Variants in PPM1H observed in about 807,000 individuals in gnomAD.
PPM1H encodes the protein protein phosphatase 1H.
PPM1H carries 27 observed loss-of-function variants against 54.9 expected under a neutral mutation model. The ratio of observed to expected loss-of-function variants is 0.49; its 90% CI spans 0.36 to 0.68. The LOEUF (loss-of-function observed/expected upper bound fraction) is 0.68. PPM1H is among the 30% of genes least tolerant of loss of function. The pLI is 0.00. For missense variants in PPM1H, 596 were observed against 667.8 expected (o/e 0.89, Z 1.19); for synonymous variants, 305 against 270.8 (o/e 1.13, Z -1.24).
At chr12:62,704,775 T>G (rs2076163919) in intron 6 of PPM1H, among the ~76,000 whole-genome samples, 1 of 152,136 alleles carries the variant, frequency 6.6e-6, no homozygotes, top group African/African-American at 2.4e-5. Context: ...CCATGAAAAC[T>G]CTCCATAATG....
intron 2 of PPM1H, among the ~76,000 whole-genome samples, chr12:62,810,699 A>C (rs2076830096): frequency 6.6e-6 from 1 of 152,212 alleles, no homozygotes; most frequent in Admixed American, 6.5e-5. Context: ...AACATATTCT[A>C]TCTACCATGA....
intron 1 of PPM1H, among the ~76,000 whole-genome samples, chr12:62,866,269 G>A (rs1869772914): frequency 6.6e-6 from 1 of 152,114 alleles, no homozygotes; most frequent in Non-Finnish European, 1.5e-5. Flanking sequence ...CAGGACTAGG[G>A]TTTGGAGCAC....
intron 2 of PPM1H, among the ~76,000 whole-genome samples, chr12:62,816,979 C>A (rs955987212): frequency 9.9e-5 from 15 of 151,356 alleles, no homozygotes; most frequent in African/African-American, 3.4e-4. Flanking sequence ...CAACACCCAC[C>A]AATAAGGGGC....
intron 1 of PPM1H, among the ~76,000 whole-genome samples, chr12:62,876,323 C>T (rs1169606052): frequency 6.6e-6 from 1 of 152,150 alleles, no homozygotes; most frequent in Non-Finnish European, 1.5e-5. Context: ...TATGCTGTCA[C>T]CCAGAGCTCT....
At chr12:62,923,865 T>C (rs776627248) in intron 1 of PPM1H, among the ~76,000 whole-genome samples, 4 of 152,236 alleles carry the variant, frequency 2.6e-5, no homozygotes, top group Non-Finnish European at 5.9e-5. Context: ...CCAAAGGGCA[T>C]TGGCAATCCT....
rs745373125 is a variant in PPM1H, at chr12:62,689,671, A to C, written c.1245+28T>G. 8 of 1,576,138 alleles carry C rather than the reference A, an allele frequency of 5.1e-6. No homozygotes were observed. The South Asian group carries it at 9.0e-5, about 18-fold the overall frequency. On this transcript the variant is annotated intron_variant, in intron 8 of 9. Transcript: ENST00000228705. ...AACGCCGAAAATGTTTTATTGCACAAAATATAAACAAAAACCTCATGCGGT... is the reference window on the plus strand; with the variant it reads ...AACGCCGAAAATGTTTTATTGCACACAATATAAACAAAAACCTCATGCGGT...
chr12:62,793,740 CAA>C (rs34457644), intron 3 of PPM1H, among the ~76,000 whole-genome samples: 104 of 61,184 alleles, frequency 1.7e-3, no homozygotes, highest in Non-Finnish European at 2.7e-3. Context: ...AACTCCGTTT[CAA>C]AAAAAAAAAA....
chr12:62,755,182 C>T, intron 4 of PPM1H: 1 of 576,082 alleles, frequency 1.7e-6, no homozygotes, highest in Non-Finnish European at 3.2e-6. Flanking sequence ...TGACAGACAG[C>T]CGCCTCTTCT....
intron 4 of PPM1H, among the ~76,000 whole-genome samples, chr12:62,738,632 G>A (rs990004673): frequency 4.1e-4 from 63 of 152,068 alleles, no homozygotes; most frequent in African/African-American, 1.2e-3. Flanking sequence ...GCAGAATGTT[G>A]CCATTTCTAC....
chr12:62,827,952 G>A (rs1310530547), intron 2 of PPM1H, among the ~76,000 whole-genome samples: 1 of 152,112 alleles, frequency 6.6e-6, no homozygotes, highest in Non-Finnish European at 1.5e-5. Context: ...TTAGGAGGAT[G>A]GGAACTATGT....
chr12:62,744,641 G>A (rs1028794561), intron 4 of PPM1H, among the ~76,000 whole-genome samples: 35 of 152,122 alleles, frequency 2.3e-4, no homozygotes, highest in African/African-American at 6.7e-4. Flanking sequence ...TTCCATGCCC[G>A]AATCCTGTGT....
chr12:62,757,421 A>G (rs1054866749), intron 4 of PPM1H, among the ~76,000 whole-genome samples: 6 of 152,230 alleles, frequency 3.9e-5, no homozygotes, highest in African/African-American at 1.4e-4. Context: ...TGTGTAAAAA[A>G]TATTTTAAGT....
At chr12:62,672,200 C>A (rs1038208578) in intron 8 of PPM1H, among the ~76,000 whole-genome samples, 1 of 152,212 alleles carries the variant, frequency 6.6e-6, no homozygotes, top group African/African-American at 2.4e-5. Flanking sequence ...CAAGGCTGAT[C>A]CTGTCTCAGC....
chr12:62,673,713 C>CTTTTTTTTT (rs1192243731), intron 8 of PPM1H, among the ~76,000 whole-genome samples: 3 of 47,568 alleles, frequency 6.3e-5, no homozygotes, highest in Non-Finnish European at 1.3e-4. Context: ...AGAAGAGCCA[C>CTTTTTTTTT]TCTTTTTTTT....
At chr12:62,916,927 T>TAAAA (rs368118906) in intron 1 of PPM1H, among the ~76,000 whole-genome samples, 2 of 132,034 alleles carry the variant, frequency 1.5e-5, no homozygotes, top group African/African-American at 5.6e-5. Flanking sequence ...ACCCTCTACT[T>TAAAA]AAAAAAAAAA....
At chr12:62,759,195 G>A (rs954526965) in intron 4 of PPM1H, among the ~76,000 whole-genome samples, 31 of 152,178 alleles carry the variant, frequency 2.0e-4, no homozygotes, top group African/African-American at 5.3e-4. Context: ...ACACGAACAC[G>A]TGAGACATTT....
chr12:62,702,716 T>C (rs2120385889), intron 6 of PPM1H, among the ~76,000 whole-genome samples: 1 of 152,306 alleles, frequency 6.6e-6, no homozygotes, highest in African/African-American at 2.4e-5. Flanking sequence ...GACAGCATAA[T>C]CTCAACAATT....
At chr12:62,803,083 C>G (rs1485489373) in intron 2 of PPM1H, among the ~76,000 whole-genome samples, 1 of 152,154 alleles carries the variant, frequency 6.6e-6, no homozygotes, top group African/African-American at 2.4e-5. Flanking sequence ...TGTTTTCACC[C>G]TAGACAGCCA....
chr12:62,934,715 C>A lies in PPM1H; in HGVS notation c.22G>T (p.Ala8Ser). MLTRVKS[A>S]VANFMGGIMA... ...ATGCCGCCCATGAAATTGGCCACGGCAGATTTCACTCGAGTGAGCATATTA... is the reference window on the plus strand; with the variant it reads ...ATGCCGCCCATGAAATTGGCCACGGAAGATTTCACTCGAGTGAGCATATTA... The change falls in exon 1 of 10, where the codon GCC (alanine) becomes TCC (serine). Residue 8 changes from alanine (A) to serine (S), a missense_variant. Coordinates refer to ENST00000228705, the MANE Select transcript of PPM1H (RefSeq NM_020700.2). This position sits in a 1 kb window ranked among gnomAD's most constrained non-coding sequence, Gnocchi z 4.2. The A allele has an allele frequency of 6.2e-7, 1 of 1,604,208 alleles. No individual in the cohort carries two copies. The highest frequency in any genetic ancestry group is 8.5e-7 in the Non-Finnish European group (1 of 1,174,714).
Sources: allele counts gnomAD v4.1 joint callset (sites outside exome capture counted in the v4.1 genomes callset), GRCh38; gene constraint gnomAD v4.1.1; non-coding constraint Gnocchi (gnomAD v3.1); transcripts MANE v1.5; gene names NCBI Gene and HGNC (gene_info 2026-07-23, HGNC 2026-07-21).